CEP112: variants seen among roughly 807,000 people sequenced by gnomAD.
The protein encoded by CEP112 is centrosomal protein of 112 kDa.
A neutral mutation model predicts 153.0 loss-of-function variants in CEP112; 127 were observed. That is an observed-to-expected ratio of 0.83 (90% confidence interval 0.72 to 0.96). The LOEUF (loss-of-function observed/expected upper bound fraction) is 0.96, where lower values mean the gene tolerates loss of function less well. CEP112 is among the 40% of genes least tolerant of loss of function. The probability of loss-of-function intolerance (pLI) is 0.00; values close to 1 mark genes in which losing one functional copy is unlikely to be tolerated. For missense variants in CEP112, 1,089 were observed against 1,101.2 expected (o/e 0.99, Z 0.16); for synonymous variants, 358 against 374.4 (o/e 0.96, Z 0.51).
intron 6 of CEP112, among the ~76,000 whole-genome samples, chr17:66,125,697 C>A (rs1352108073): frequency 6.7e-6 from 1 of 149,636 alleles, no homozygotes; most frequent in East Asian, 2.0e-4. Flanking sequence ...TTCTCTGTAA[C>A]CTTAAGTAAA....
intron 20 of CEP112, among the ~76,000 whole-genome samples, chr17:65,890,529 T>C (rs1180572895): frequency 6.6e-6 from 1 of 152,206 alleles, no homozygotes; most frequent in Non-Finnish European, 1.5e-5. Context: ...CAAAGCTTCA[T>C]TATGACTTTG....
intron 12 of CEP112, among the ~76,000 whole-genome samples, chr17:66,047,516 AT>A (rs1244592605): frequency 1.3e-5 from 2 of 152,090 alleles, no homozygotes; most frequent in South Asian, 4.2e-4. Flanking sequence ...GTAGATATTA[AT>A]TTTTTTCTTT....
chr17:65,938,843 G>C (rs2061428906), intron 18 of CEP112, among the ~76,000 whole-genome samples: 1 of 151,770 alleles, frequency 6.6e-6, no homozygotes, highest in African/African-American at 2.4e-5. Flanking sequence ...ACAAAGTCTT[G>C]CTCTGTTGCC....
chr17:66,084,816 T>C (rs1036425328), intron 8 of CEP112, among the ~76,000 whole-genome samples: 1 of 152,140 alleles, frequency 6.6e-6, no homozygotes, highest in South Asian at 2.1e-4. Flanking sequence ...TAAATGAGTA[T>C]AGATTGTTTG....
intron 21 of CEP112, among the ~76,000 whole-genome samples, chr17:65,824,236 A>G (rs990923427): frequency 2.0e-5 from 3 of 152,236 alleles, no homozygotes; most frequent in Non-Finnish European, 4.4e-5. Context: ...ATAAAAAGGA[A>G]CAGATTACAG....
At chr17:65,648,982 T>C (rs1426508339) in intron 24 of CEP112, among the ~76,000 whole-genome samples, 1 of 152,118 alleles carries the variant, frequency 6.6e-6, no homozygotes. Context: ...AGCCAGGACG[T>C]GGAGGTTGCA....
At chr17:65,727,059 A>G (rs1387516073) in intron 23 of CEP112, among the ~76,000 whole-genome samples, 10 of 152,204 alleles carry the variant, frequency 6.6e-5, no homozygotes, top group East Asian at 1.9e-4. Flanking sequence ...TTGGTAGATA[A>G]GACCATACTG....
At chr17:65,870,014 T>TAAGAAAGA (rs754013580) in intron 20 of CEP112, among the ~76,000 whole-genome samples, 2,541 of 44,600 alleles carry the variant, frequency 0.057, 180 homozygotes, top group Non-Finnish European at 0.061. Context: ...AGGTAGAGAA[T>TAAGAAAGA]AAGAAAGAAA....
At position 65,922,191 on chromosome 17, in the gene CEP112, C is replaced by T. The variant is rs1036815167; in HGVS notation, c.1980+5391G>A. On this transcript the variant is annotated intron_variant, in intron 19 of 26. Transcript: ENST00000535342. ...GCATTTTTATTAACACCAAGAGTAACGATGTTTCTACATGGCTGTTCACTT... is the reference window on the plus strand; with the variant it reads ...GCATTTTTATTAACACCAAGAGTAATGATGTTTCTACATGGCTGTTCACTT... Among the ~76,000 whole-genome samples, 10 of 152,012 alleles carry T rather than the reference C, an allele frequency of 6.6e-5. 1 individual carries two copies. The highest frequency in any genetic ancestry group is 5.9e-4 in the Admixed American group (9 of 15,252).
At chr17:65,902,565 C>T (rs2059914573) in intron 19 of CEP112, among the ~76,000 whole-genome samples, 1 of 151,794 alleles carries the variant, frequency 6.6e-6, no homozygotes, top group Non-Finnish European at 1.5e-5. Context: ...TCTGTTGACA[C>T]AAATGTCTGA....
chr17:65,673,386 C>T (rs1234561709), intron 24 of CEP112, among the ~76,000 whole-genome samples: 1 of 152,168 alleles, frequency 6.6e-6, no homozygotes, highest in African/African-American at 2.4e-5. Context: ...AGAAAGTTCT[C>T]GGCCCTTAGT....
intron 18 of CEP112, among the ~76,000 whole-genome samples, chr17:65,945,713 C>G (rs959137892): frequency 3.3e-5 from 5 of 152,038 alleles, no homozygotes; most frequent in African/African-American, 1.2e-4. Context: ...ATGGTGCGAT[C>G]TCGGCTCACT....
rs148219160 is a variant in CEP112, at chr17:65,853,119, A to G, written c.2164-1085T>C. Among the ~76,000 whole-genome samples the G allele has an allele frequency of 1.9e-3, 285 of 152,350 alleles. 8 individuals carry two copies. In the East Asian group the frequency reaches 0.05, roughly 27 times the overall value. ...TAGCACAAACTAGATGGCTTAAAAG[A>G]ACAGAATTTTATTCTCTCATAGTTC... is the stretch of plus-strand genomic sequence containing the variant. On this transcript the variant is annotated intron_variant, in intron 20 of 26. Transcript: ENST00000535342.
intron 18 of CEP112, 53 bp downstream of exon 18, chr17:65,961,410 C>T (rs2062193407): frequency 1.3e-6 from 2 of 1,498,214 alleles, no homozygotes; most frequent in Admixed American, 3.8e-5. Context: ...TGAGAATGTA[C>T]CTTCCTACTG....
At chr17:66,092,044 CTTT>C (rs71293589) in intron 8 of CEP112, among the ~76,000 whole-genome samples, 1 of 141,632 alleles carries the variant, frequency 7.1e-6, no homozygotes, top group East Asian at 2.1e-4. Context: ...TATGTATTTA[CTTT>C]TTTTTTTTTT....
chr17:65,805,885 C>G (rs1032082931), intron 21 of CEP112, among the ~76,000 whole-genome samples: 2 of 152,296 alleles, frequency 1.3e-5, no homozygotes, highest in Non-Finnish European at 2.9e-5. Flanking sequence ...CTCTTTATCA[C>G]TTTAGTTTTC....
intron 17 of CEP112, among the ~76,000 whole-genome samples, chr17:65,971,146 CAT>C (rs1035037193): frequency 1.2e-4 from 19 of 152,216 alleles, no homozygotes; most frequent in Non-Finnish European, 2.4e-4. Context: ...TGCATGTGCA[CAT>C]GATACATGTA....
Position 66,144,085 on chromosome 17 carries a change from C to T in CEP112, c.471-11322G>A, listed in dbSNP as rs536110920. ...ACCATGGAAGACAGCCACACCTGTA[C>T]CTGATTTTTATTGTTTACTGAGGTA... is the stretch of plus-strand genomic sequence containing the variant. On this transcript the variant is annotated intron_variant, in intron 4 of 26. Coordinates refer to ENST00000535342, the MANE Select transcript of CEP112 (RefSeq NM_001199165.4). 1.2e-4 allele frequency among the ~76,000 whole-genome samples: 19 copies of T among 152,234 alleles called. No individual in the cohort carries two copies. The South Asian group carries it at 3.9e-3, about 32-fold the overall frequency.
At chr17:66,177,911 G>A (rs1000012702) in intron 2 of CEP112, among the ~76,000 whole-genome samples, 13 of 152,126 alleles carry the variant, frequency 8.5e-5, no homozygotes, top group African/African-American at 3.1e-4. Context: ...TTTTATGGCT[G>A]AATAGTACTC....
Sources: gnomAD v4.1 joint callset for allele counts (sites outside exome capture counted in the v4.1 genomes callset) on GRCh38, gnomAD v4.1.1 for gene constraint, MANE v1.5 for transcripts, NCBI Gene and HGNC (gene_info 2026-07-23, HGNC 2026-07-21) for gene names.